Variants in ZCCHC24 observed in about 807,000 individuals in gnomAD.
ZCCHC24 encodes zinc finger CCHC-type containing 24.
In ZCCHC24, 10 loss-of-function variants were observed where a neutral mutation model predicts 26.2. That is an observed-to-expected ratio of 0.38 (90% confidence interval 0.24 to 0.65). The LOEUF (loss-of-function observed/expected upper bound fraction) is 0.65, where lower values mean the gene tolerates loss of function less well. ZCCHC24 is among the 30% of genes least tolerant of loss of function. The pLI is 0.54. For missense variants in ZCCHC24, 243 were observed against 329.1 expected (o/e 0.74, Z 2.03); for synonymous variants, 144 against 147.1 (o/e 0.98, Z 0.15).
chr10:79,398,634 AG>A (rs1293099199), intron 2 of ZCCHC24, among the ~76,000 whole-genome samples: 2 of 152,188 alleles, frequency 1.3e-5, no homozygotes, highest in African/African-American at 4.8e-5. Context: ...AAGCAAAAGA[AG>A]AAACAGCATT....
Position 79,394,262 on chromosome 10 carries a change from C to A in ZCCHC24, c.612+14G>T, listed in dbSNP as rs923815898. The A allele has an allele frequency of 3.1e-6, 5 of 1,611,066 alleles. No individual in the cohort carries two copies. Among genetic ancestry groups the A allele is most frequent in the East Asian group, 2.2e-5 (1 of 44,834 alleles). ...CGCGGTCCTTCTGAGAAGGCCCCAG[C>A]CTGCCCGGCTCACCTGCTTGTGTGG... On this transcript the variant is annotated intron_variant, in intron 3 of 3. Transcript: ENST00000372336.
Position 79,383,588 on chromosome 10 carries a change from G to T in ZCCHC24, c.*2757C>A, listed in dbSNP as rs1856351404. 6.8e-6 allele frequency: 1 copy of T among 147,932 alleles called. No individual in the cohort carries two copies. The highest frequency in any genetic ancestry group is 6.7e-5 in the Admixed American group (1 of 14,884). The allele number at this position is 147,932 out of a possible 1,614,324, so 9.2% of individuals were successfully genotyped here. On this transcript the variant is annotated 3_prime_UTR_variant, in exon 4 of 4. Coordinates refer to ENST00000372336, the MANE Select transcript of ZCCHC24 (RefSeq NM_153367.4). ...AAATTTTGAAAATGCCTCTCTTTTT[G>T]TTTGTTTTAATCTCAAAAATCAAAC...
intron 2 of ZCCHC24, among the ~76,000 whole-genome samples, chr10:79,412,002 G>A (rs1466028691): frequency 1.3e-5 from 2 of 152,188 alleles, no homozygotes; most frequent in Non-Finnish European, 2.9e-5. Context: ...AGCCCAGAAG[G>A]CCAGAATCTC....
At chr10:79,415,015 A>G (rs1318967643) in intron 2 of ZCCHC24, among the ~76,000 whole-genome samples, 1 of 152,156 alleles carries the variant, frequency 6.6e-6, no homozygotes, top group Non-Finnish European at 1.5e-5. Context: ...CCTTGGGTCC[A>G]GGTTTCCTGT....
At position 79,445,524 on chromosome 10, in the gene ZCCHC24, T is replaced by G; in HGVS notation, c.-84A>C. On this transcript the variant is annotated 5_prime_UTR_variant, in exon 1 of 4. Coordinates refer to ENST00000372336, the MANE Select transcript of ZCCHC24 (RefSeq NM_153367.4). ...GGAGGGGCGGGCACCGGGGAGCCTG[T>G]GCCCACTGCCCGCCTCCCGAGCCCC... 8.6e-7 allele frequency: 1 copy of G among 1,156,198 alleles called. No individual in the cohort carries two copies. The highest frequency in any genetic ancestry group is 1.1e-6 in the Non-Finnish European group (1 of 922,566). The allele number at this position is 1,156,198 out of a possible 1,614,324, so 71.6% of individuals were successfully genotyped here. A position where few individuals can be genotyped will look rare whatever the true frequency, so the allele number is the denominator to read the frequency against.
intron 1 of ZCCHC24, among the ~76,000 whole-genome samples, chr10:79,434,704 C>A (rs1397917235): frequency 6.6e-6 from 1 of 152,198 alleles, no homozygotes; most frequent in Non-Finnish European, 1.5e-5. Context: ...GAATCGAGGG[C>A]CCGAAATCTG....
At chr10:79,408,218 G>A (rs997826844) in intron 2 of ZCCHC24, among the ~76,000 whole-genome samples, 4 of 152,176 alleles carry the variant, frequency 2.6e-5, no homozygotes, top group African/African-American at 9.7e-5. Context: ...AAGCCTGGAC[G>A]GAAGCCAGTT....
At chr10:79,395,215 T>C (rs1856529599) in intron 2 of ZCCHC24, among the ~76,000 whole-genome samples, 1 of 44,270 alleles carries the variant, frequency 2.3e-5, no homozygotes, top group Admixed American at 3.1e-4. Context: ...CTGGCTACTG[T>C]TTTTTTTTAC....
chr10:79,414,984 C>T (rs1286645507), intron 2 of ZCCHC24, among the ~76,000 whole-genome samples: 1 of 152,208 alleles, frequency 6.6e-6, no homozygotes, highest in African/African-American at 2.4e-5. Context: ...CAAGCCTCTA[C>T]TTGCTTCCTC....
chr10:79,445,140 A>ACGGTGGGG (rs1222825064), intron 1 of ZCCHC24, 55 bp downstream of exon 1: 558,108 of 1,097,110 alleles, frequency 0.51, 136,881 homozygotes, highest in Admixed American at 0.64. Flanking sequence ...ACGGCCCGCC[A>ACGGTGGGG]CGGTGGGGCG....
intron 2 of ZCCHC24, among the ~76,000 whole-genome samples, chr10:79,415,861 CCTTGTAGG>C (rs917730471): frequency 6.6e-6 from 1 of 152,174 alleles, no homozygotes. Flanking sequence ...GCCAAGAACC[CCTTGTAGG>C]CTATGGAAAG....
chr10:79,440,666 C>CA (rs1309170599), intron 1 of ZCCHC24, among the ~76,000 whole-genome samples: 6 of 152,160 alleles, frequency 3.9e-5, no homozygotes, highest in African/African-American at 9.6e-5. Flanking sequence ...TCCTCTTCTG[C>CA]AAAAAATGGA....
At chr10:79,395,542 T>C (rs1856535045) in intron 2 of ZCCHC24, among the ~76,000 whole-genome samples, 3 of 152,238 alleles carry the variant, frequency 2.0e-5, no homozygotes, top group Admixed American at 2.0e-4. Context: ...ATACTGCAGG[T>C]ATCCCAACTT....
intron 1 of ZCCHC24, among the ~76,000 whole-genome samples, chr10:79,435,456 A>G (rs1857202843): frequency 6.6e-6 from 1 of 151,988 alleles, no homozygotes; most frequent in South Asian, 2.1e-4. Context: ...GCAGCTCGAC[A>G]CCCCACCCTC....
At chr10:79,427,058 A>G (rs1857037842) in intron 2 of ZCCHC24, among the ~76,000 whole-genome samples, 1 of 152,114 alleles carries the variant, frequency 6.6e-6, no homozygotes, top group African/African-American at 2.4e-5. Flanking sequence ...CAGACAAAAT[A>G]TACTTTAAAA....
chr10:79,436,678 G>T (rs530808034), intron 1 of ZCCHC24, among the ~76,000 whole-genome samples: 21 of 152,356 alleles, frequency 1.4e-4, no homozygotes, highest in African/African-American at 5.1e-4. Context: ...GGGTGCGATG[G>T]TCACCAGCAG....
intron 2 of ZCCHC24, among the ~76,000 whole-genome samples, chr10:79,427,767 A>G (rs1443344952): frequency 6.6e-6 from 1 of 152,182 alleles, no homozygotes; most frequent in African/African-American, 2.4e-5. Flanking sequence ...TAATCCCAGC[A>G]CTTTTGGAGG....
chr10:79,439,931 A>G (rs936328935), intron 1 of ZCCHC24, among the ~76,000 whole-genome samples: 1 of 152,176 alleles, frequency 6.6e-6, no homozygotes, highest in African/African-American at 2.4e-5. Flanking sequence ...TTTGTGTCAT[A>G]AAGAAGCCAG....
chr10:79,418,903 G>A (rs1856901912), intron 2 of ZCCHC24, among the ~76,000 whole-genome samples: 1 of 152,162 alleles, frequency 6.6e-6, no homozygotes, highest in African/African-American at 2.4e-5. Flanking sequence ...CCTGAGAGAG[G>A]TGGGCTCAAG....
Sources: allele counts gnomAD v4.1 joint callset (sites outside exome capture counted in the v4.1 genomes callset), GRCh38; gene constraint gnomAD v4.1.1; transcripts MANE v1.5; gene names NCBI Gene and HGNC (gene_info 2026-07-23, HGNC 2026-07-21).